Variants in LRRC27 observed in about 807,000 individuals in gnomAD.
LRRC27 encodes leucine-rich repeat-containing protein 27.
LRRC27 carries 57 observed loss-of-function variants against 55.0 expected under a neutral mutation model. The observed-to-expected ratio is 1.04, with a 90% confidence interval of 0.84 to 1.29. LRRC27 has a LOEUF of 1.29. Ranked by LOEUF, LRRC27 falls within the 50% of genes most tolerant of loss-of-function variation. The probability of loss-of-function intolerance (pLI) is 0.00; values close to 1 mark genes in which losing one functional copy is unlikely to be tolerated. For synonymous variants in LRRC27, 278 were observed against 251.9 expected, an observed-to-expected ratio of 1.10 and a Z score of -0.98; for missense variants, 721 against 651.5, an observed-to-expected ratio of 1.11 and a Z score of -1.16.
At chr10:132,352,332 G>A (rs1358337038) in intron 7 of LRRC27, among the ~76,000 whole-genome samples, 1 of 85,734 alleles carries the variant, frequency 1.2e-5, no homozygotes, top group Admixed American at 1.0e-4. Flanking sequence ...TGGGGCAGGC[G>A]CTGAGGCCTC....
chr10:132,330,735 C>T (rs895390916), upstream of LRRC27, among the ~76,000 whole-genome samples: 11 of 147,872 alleles, frequency 7.4e-5, no homozygotes, highest in East Asian at 2.0e-3. Context: ...GTCTCCAACT[C>T]CTGGCCTCAA....
Position 132,375,246 on chromosome 10 carries a change from C to A in LRRC27, c.*4C>A. ...AAATGTTCGCAGATACCAGTGACACCAGGTGGCTGGACTGATGGAGACGTC... is the reference window on the plus strand; with the variant it reads ...AAATGTTCGCAGATACCAGTGACACAAGGTGGCTGGACTGATGGAGACGTC... On this transcript the variant is annotated 3_prime_UTR_variant, in exon 11 of 11. Coordinates refer to ENST00000368614, the MANE Select transcript of LRRC27 (RefSeq NM_030626.3). 6.2e-7 allele frequency: 1 copy of A among 1,610,450 alleles called. No individual in the cohort carries two copies. Among genetic ancestry groups the A allele is most frequent in the Non-Finnish European group, 8.5e-7 (1 of 1,177,714 alleles).
intron 10 of LRRC27, among the ~76,000 whole-genome samples, chr10:132,371,653 C>G (rs1029037463): frequency 1.3e-5 from 2 of 152,240 alleles, no homozygotes; most frequent in Non-Finnish European, 2.9e-5. Context: ...CAAATGGCCA[C>G]GTTTCTCAAC....
chr10:132,351,950 G>T (rs1382894053), intron 7 of LRRC27, among the ~76,000 whole-genome samples, 197 bp downstream of exon 7: 1 of 152,248 alleles, frequency 6.6e-6, no homozygotes, highest in Non-Finnish European at 1.5e-5. Context: ...CCACGCACGG[G>T]CTCGCTTGTT....
intron 6 of LRRC27, among the ~76,000 whole-genome samples, chr10:132,349,828 C>T (rs2067918433): frequency 6.6e-6 from 1 of 152,194 alleles, no homozygotes; most frequent in Admixed American, 6.5e-5. Context: ...TGTCTTCCCC[C>T]TCTGCTGCCT....
chr10:132,339,061 G>A (rs1181433149), intron 3 of LRRC27, among the ~76,000 whole-genome samples: 2 of 152,194 alleles, frequency 1.3e-5, no homozygotes, highest in African/African-American at 4.8e-5. Flanking sequence ...ATCAGCTGGG[G>A]CCACGGCAGC....
At chr10:132,345,317 G>GA (rs2067625456) in intron 5 of LRRC27, among the ~76,000 whole-genome samples, 1 of 148,526 alleles carries the variant, frequency 6.7e-6, no homozygotes, top group Admixed American at 6.6e-5. Flanking sequence ...TGATACTTAA[G>GA]AAAAATGCAT....
upstream of LRRC27, among the ~76,000 whole-genome samples, chr10:132,330,810 T>TA (rs1000045057): frequency 2.0e-5 from 3 of 151,070 alleles, no homozygotes; most frequent in African/African-American, 4.9e-5. Context: ...GTGTCCGGCC[T>TA]AAAAAACATT....
intron 6 of LRRC27, chr10:132,350,405 G>C (rs796099535): frequency 7.2e-5 from 11 of 152,448 alleles, no homozygotes; most frequent in African/African-American, 2.6e-4. Flanking sequence ...GTTCCATAGA[G>C]CCTGGGCCAC....
chr10:132,339,244 G>A (rs1035199064), intron 3 of LRRC27, among the ~76,000 whole-genome samples: 5 of 152,214 alleles, frequency 3.3e-5, no homozygotes, highest in African/African-American at 4.8e-5. Flanking sequence ...GGTGGCCTCC[G>A]TGGGACAGTA....
chr10:132,335,384 G>T (rs2067066689), intron 2 of LRRC27: 1 of 152,088 alleles, frequency 6.6e-6, no homozygotes, highest in African/African-American at 2.4e-5. Context: ...TACTATGGGG[G>T]TCACAGTCTT....
intron 9 of LRRC27, among the ~76,000 whole-genome samples, chr10:132,362,826 C>T (rs1466001547): frequency 6.8e-6 from 1 of 147,442 alleles, no homozygotes; most frequent in Non-Finnish European, 1.5e-5. Flanking sequence ...ACCCCTCTTA[C>T]CTCACAGCAG....
In LRRC27 at chr10:132,379,522, G is replaced by A. The variant is rs2069385156; in HGVS notation, c.*4280G>A. 1 of 152,292 alleles carries A rather than the reference G, an allele frequency of 6.6e-6. No homozygotes were observed. The highest frequency in any genetic ancestry group is 2.4e-5 in the African/African-American group (1 of 41,410). 9.4% of individuals were successfully genotyped at this position (152,292 alleles called of 1,614,324 possible). A position where few individuals can be genotyped will look rare whatever the true frequency, so the allele number is the denominator to read the frequency against. ...CTGCCGGAATTCCACATCTGCTCGTGCATGCCATCCACCTTTTCCACTAGA... is the reference window on the plus strand; with the variant it reads ...CTGCCGGAATTCCACATCTGCTCGTACATGCCATCCACCTTTTCCACTAGA... On this transcript the variant is annotated 3_prime_UTR_variant, in exon 11 of 11. Transcript: ENST00000368614.
In LRRC27 at chr10:132,380,437, G is replaced by C. The variant is rs551575076; in HGVS notation, c.*5195G>C. On this transcript the variant is annotated 3_prime_UTR_variant, in exon 11 of 11. Transcript: ENST00000368614. ...ATGTCAAGGATCCGCTTAAAACATCGTGTGGTGCTAATCTCTGCACGAGCG... is the reference window on the plus strand; with the variant it reads ...ATGTCAAGGATCCGCTTAAAACATCCTGTGGTGCTAATCTCTGCACGAGCG... Among the ~76,000 whole-genome samples the C allele has an allele frequency of 6.6e-6, 1 of 152,152 alleles. No individual in the cohort carries two copies. The highest frequency in any genetic ancestry group is 1.5e-5 in the Non-Finnish European group (1 of 68,032).
At chr10:132,330,693 T>TA (rs1554887099), upstream of LRRC27, among the ~76,000 whole-genome samples, 41 of 144,558 alleles carry the variant, frequency 2.8e-4, 1 homozygote, top group South Asian at 7.5e-3. Flanking sequence ...TTTTTTTTTT[T>TA]AATTTTTGTA....
In LRRC27 at chr10:132,348,995, G is replaced by A. The variant is rs1265791776; in HGVS notation, c.926+639G>A. ...GTCCCTAGGAAACAGGCTCTGCAGA[G>A]ACTACATGAGAGAAAAACTCGAATC... On this transcript the variant is annotated intron_variant, in intron 6 of 10. Coordinates refer to ENST00000368614, the MANE Select transcript of LRRC27 (RefSeq NM_030626.3). The surrounding 1 kb of genome is among the most constrained non-coding windows in gnomAD (Gnocchi z 4.2). 3 of 1,610,992 alleles carry A rather than the reference G, an allele frequency of 1.9e-6. No homozygotes were observed. The highest frequency in any genetic ancestry group is 2.2e-5 in the East Asian group (1 of 44,802).
intron 3 of LRRC27, among the ~76,000 whole-genome samples, chr10:132,341,089 A>T (rs1311896943): frequency 1.3e-5 from 2 of 152,164 alleles, no homozygotes; most frequent in Admixed American, 1.3e-4. Context: ...TGAGCCCAGG[A>T]GTTCAAAACT....
upstream of LRRC27, chr10:132,330,173 A>C (rs1214403934): frequency 4.6e-6 from 2 of 433,942 alleles, no homozygotes; most frequent in Non-Finnish European, 8.6e-6. Context: ...GAGCACAGTA[A>C]AGGGCAAAAC....
rs997742671 is a variant in LRRC27 at position 132,372,787 on chromosome 10, C to T, written c.1417-2279C>T. On this transcript the variant is annotated intron_variant, in intron 10 of 10. Transcript: ENST00000368614. This position sits in a 1 kb window ranked among gnomAD's most constrained non-coding sequence, Gnocchi z 4.0. ...GTGCACAACCGACCAGGAGGGCTGG[C>T]CAGCTCCATGGCGCTGTCTGAGATA... Among the ~76,000 whole-genome samples, 1 of 152,162 alleles carries T rather than the reference C, an allele frequency of 6.6e-6. No individual in the cohort carries two copies. The highest frequency in any genetic ancestry group is 1.5e-5 in the Non-Finnish European group (1 of 68,028).
Sources: gnomAD v4.1 joint callset for allele counts (sites outside exome capture counted in the v4.1 genomes callset) on GRCh38, gnomAD v4.1.1 for gene constraint, Gnocchi (gnomAD v3.1) non-coding constraint, MANE v1.5 for transcripts, NCBI Gene and HGNC (gene_info 2026-07-23, HGNC 2026-07-21) for gene names.